The following ARMC9 variants were observed in gnomAD, a reference collection of about 807,000 sequenced individuals.
The protein encoded by ARMC9 is lisH domain-containing protein ARMC9.
A neutral mutation model predicts 107.0 loss-of-function variants in ARMC9; 94 were observed. That is an observed-to-expected ratio of 0.88 (90% CI 0.74 to 1.04). The LOEUF (loss-of-function observed/expected upper bound fraction) is 1.04, where lower values mean the gene tolerates loss of function less well. ARMC9 is among the 50% of genes least tolerant of loss of function. ARMC9 has a pLI of 0.00. For synonymous variants in ARMC9, 380 were observed against 396.9 expected, an observed-to-expected ratio of 0.96 and a Z score of 0.51; for missense variants, 942 against 1,030.1, an observed-to-expected ratio of 0.91 and a Z score of 1.17.
intron 17 of ARMC9, among the ~76,000 whole-genome samples, chr2:231,288,393 C>G (rs1329004680): frequency 6.6e-6 from 1 of 152,010 alleles, no homozygotes; most frequent in Non-Finnish European, 1.5e-5. Flanking sequence ...TGCAAGTTTT[C>G]TATACAGAAC....
chr2:231,286,400 C>T (rs192135982), intron 17 of ARMC9, among the ~76,000 whole-genome samples: 140 of 152,320 alleles, frequency 9.2e-4, no homozygotes, highest in African/African-American at 3.2e-3. Flanking sequence ...CAGGCGTGAG[C>T]CACCGCGCCC....
At chr2:231,364,722 C>G (rs558714152) in intron 23 of ARMC9, among the ~76,000 whole-genome samples, 6 of 151,428 alleles carry the variant, frequency 4.0e-5, no homozygotes, top group African/African-American at 1.5e-4. Flanking sequence ...CATTTGAACC[C>G]AGGAGGTGGA....
chr2:231,224,008 T>A (rs1255854998), intron 6 of ARMC9, among the ~76,000 whole-genome samples: 4 of 152,158 alleles, frequency 2.6e-5, no homozygotes, highest in African/African-American at 9.7e-5. Flanking sequence ...TTGATACTGC[T>A]CCTTGTGGAA....
At position 231,308,903 on chromosome 2, in the gene ARMC9, GTGGCCAGCTCGCTTGGCA is replaced by G. The variant is rs879259319; in HGVS notation, c.1773+12668_1773+12685del. On this transcript the variant is annotated intron_variant, in intron 19 of 24. Coordinates refer to ENST00000611582, the MANE Select transcript of ARMC9 (RefSeq NM_001352754.2). ...AGTCACCTCTGATGGGTCACCCATC[GTGGCCAGCTCGCTTGGCA>G]TGGCCAGCTCGCTTGGCGTGGCACA... Among the ~76,000 whole-genome samples the G allele has an allele frequency of 2.2e-3, 335 of 152,292 alleles. 1 individual carries two copies. Among genetic ancestry groups the G allele is most frequent in the Middle Eastern group, 3.4e-3 (1 of 294 alleles).
At chr2:231,231,265 T>C (rs1472247859) in intron 7 of ARMC9, among the ~76,000 whole-genome samples, 3 of 152,226 alleles carry the variant, frequency 2.0e-5, no homozygotes, top group African/African-American at 7.2e-5. Context: ...AAAGTTTGCA[T>C]AGATGTTCTC....
At chr2:231,210,727 A>G (rs569566992) in intron 3 of ARMC9, among the ~76,000 whole-genome samples, 7 of 152,322 alleles carry the variant, frequency 4.6e-5, no homozygotes, top group African/African-American at 7.2e-5. Context: ...ATCTGAGAAC[A>G]CTCAAATGTC....
intron 7 of ARMC9, among the ~76,000 whole-genome samples, chr2:231,232,410 A>G (rs1318936929): frequency 1.3e-5 from 2 of 151,620 alleles, no homozygotes; most frequent in African/African-American, 4.8e-5. Context: ...TTTCAGGGCC[A>G]TTCTCAGGGG....
chr2:231,305,795 A>G (rs2042005711), intron 19 of ARMC9, among the ~76,000 whole-genome samples: 1 of 152,172 alleles, frequency 6.6e-6, no homozygotes, highest in South Asian at 2.1e-4. Flanking sequence ...TCTACCCATC[A>G]TACAGCTGCA....
At position 231,371,508 on chromosome 2, in the gene ARMC9, T is replaced by C; in HGVS notation, c.2435-5T>C. On this transcript the variant is annotated splice_region_variant and splice_polypyrimidine_tract_variant and intron_variant, in intron 24 of 24. Transcript: ENST00000611582. ...CTGGCATCTTGCTCTGGCTTTTCTC[T>C]CCAGGCAGCCAGTCTCACAGGAAGT... The C allele has an allele frequency of 8.1e-7, 1 of 1,237,870 alleles. No individual in the cohort carries two copies. The highest frequency in any genetic ancestry group is 1.0e-6 in the Non-Finnish European group (1 of 990,498). The allele number at this position is 1,237,870 out of a possible 1,614,324, so 76.7% of individuals were successfully genotyped here.
At chr2:231,243,700 C>T (rs2036508233) in intron 9 of ARMC9, among the ~76,000 whole-genome samples, 1 of 152,058 alleles carries the variant, frequency 6.6e-6, no homozygotes, top group Admixed American at 6.6e-5. Flanking sequence ...TGTTTCTAGC[C>T]GATTTCTTTA....
intron 5 of ARMC9, among the ~76,000 whole-genome samples, chr2:231,217,253 A>G (rs1358456524): frequency 1.3e-5 from 2 of 152,210 alleles, no homozygotes; most frequent in Non-Finnish European, 2.9e-5. Flanking sequence ...AGCAAACAAA[A>G]GTAGTTTTTA....
chr2:231,237,600 T>C (rs1355592249), intron 8 of ARMC9, among the ~76,000 whole-genome samples: 1 of 151,632 alleles, frequency 6.6e-6, no homozygotes, highest in East Asian at 1.9e-4. Flanking sequence ...TGAGAGTGCC[T>C]ATTTCTCCAC....
chr2:231,292,147 G>A (rs1461444579), intron 18 of ARMC9, among the ~76,000 whole-genome samples: 6 of 144,222 alleles, frequency 4.2e-5, no homozygotes, highest in African/African-American at 1.3e-4. Flanking sequence ...CAGCCTGGGC[G>A]ACAGAGCGAA....
intron 23 of ARMC9, among the ~76,000 whole-genome samples, chr2:231,369,672 C>T (rs1357166360): frequency 6.6e-6 from 1 of 151,730 alleles, no homozygotes; most frequent in African/African-American, 2.4e-5. Context: ...TCTTGGCTCA[C>T]TGCAACCTCC....
intron 21 of ARMC9, among the ~76,000 whole-genome samples, chr2:231,352,349 A>G (rs1018527064): frequency 6.6e-6 from 1 of 151,088 alleles, no homozygotes; most frequent in Non-Finnish European, 1.5e-5. Context: ...CTGGAGTGCA[A>G]TGGTACGATC....
chr2:231,212,960 A>G (rs1404975189), intron 3 of ARMC9, among the ~76,000 whole-genome samples: 4 of 152,182 alleles, frequency 2.6e-5, no homozygotes, highest in Non-Finnish European at 4.4e-5. Flanking sequence ...TCTTGATTAC[A>G]TGACATAGTG....
intron 9 of ARMC9, among the ~76,000 whole-genome samples, chr2:231,248,992 G>A (rs796482780): frequency 3.7e-4 from 57 of 152,086 alleles, no homozygotes; most frequent in African/African-American, 1.3e-3. Context: ...CCTTACCCAC[G>A]TGCATCCTGC....
chr2:231,332,827 C>G (rs1270042378), intron 20 of ARMC9, among the ~76,000 whole-genome samples: 1 of 152,166 alleles, frequency 6.6e-6, no homozygotes, highest in Non-Finnish European at 1.5e-5. Flanking sequence ...AGAAGAGTCA[C>G]TAAAAGAGGC....
chr2:231,357,493 T>G (rs2045391769), intron 22 of ARMC9, among the ~76,000 whole-genome samples: 1 of 152,222 alleles, frequency 6.6e-6, no homozygotes, highest in Non-Finnish European at 1.5e-5. Context: ...AGACCAGGAA[T>G]AGTCACTGCC....
Sources: allele counts gnomAD v4.1 joint callset (sites outside exome capture counted in the v4.1 genomes callset), GRCh38; gene constraint gnomAD v4.1.1; transcripts MANE v1.5; gene names NCBI Gene and HGNC (gene_info 2026-07-23, HGNC 2026-07-21).